TNS3: variants seen among roughly 807,000 people sequenced by gnomAD.
TNS3 encodes tensin 3.
In TNS3, 45 loss-of-function variants were observed where a neutral mutation model predicts 140.9. The observed-to-expected ratio is 0.32, with a 90% CI of 0.25 to 0.41. The LOEUF (loss-of-function observed/expected upper bound fraction) is 0.41, where lower values mean the gene tolerates loss of function less well. Ranked by LOEUF, TNS3 falls within the 10% of genes least tolerant of loss-of-function variation. The probability of loss-of-function intolerance (pLI) is 1.00; values close to 1 mark genes in which losing one functional copy is unlikely to be tolerated. For synonymous variants in TNS3, 815 were observed against 788.4 expected (o/e 1.03, Z -0.56); for missense variants, 1,716 against 1,906.7 (o/e 0.90, Z 1.86).
Position 47,297,411 on chromosome 7 carries a change from G to A in TNS3, c.3545-198C>T, listed in dbSNP as rs530877586. 3.3e-5 allele frequency among the ~76,000 whole-genome samples: 5 copies of A among 152,232 alleles called. No individual in the cohort carries two copies. The South Asian group carries it at 1.0e-3, about 32-fold the overall frequency. Reference sequence around the variant, plus strand: ...GGACCTTCAGGGAGGTCTCTGTGGTGTCGTGTATGTTTCATGGGTGGGCCT... The same window carrying A: ...GGACCTTCAGGGAGGTCTCTGTGGTATCGTGTATGTTTCATGGGTGGGCCT... On this transcript the variant is annotated intron_variant, in intron 23 of 30. Coordinates refer to ENST00000311160, the MANE Select transcript of TNS3 (RefSeq NM_022748.12).
chr7:47,422,009 G>A (rs1204555933), intron 10 of TNS3, among the ~76,000 whole-genome samples: 2 of 152,210 alleles, frequency 1.3e-5, no homozygotes, highest in Admixed American at 6.5e-5. Flanking sequence ...CAACAGAGAA[G>A]CCTCCCATCA....
At position 47,524,662 on chromosome 7, in the gene TNS3, C is replaced by T. The variant is rs377581591; in HGVS notation, c.-153+4374G>A. On this transcript the variant is annotated intron_variant, in intron 2 of 30. Coordinates refer to ENST00000311160, the MANE Select transcript of TNS3 (RefSeq NM_022748.12). ...CTAAAAATACAAAAAATTAGCCGGG[C>T]GCGGTGGCGGGCGCCTGTAGTCCCA... Among the ~76,000 whole-genome samples, 307 of 149,290 alleles carry T rather than the reference C, an allele frequency of 2.1e-3. 2 individuals are homozygous for T. The highest frequency in any genetic ancestry group is 4.5e-3 in the African/African-American group (182 of 40,132).
At chr7:47,374,200 G>GC (rs1195467577) in intron 16 of TNS3, among the ~76,000 whole-genome samples, 3 of 152,218 alleles carry the variant, frequency 2.0e-5, no homozygotes, top group African/African-American at 7.2e-5. Context: ...ATGGGCCAGA[G>GC]ATCCAGGGAA....
intron 1 of TNS3, among the ~76,000 whole-genome samples, chr7:47,562,526 A>C (rs150740874): frequency 0.032 from 4,933 of 152,068 alleles, 252 homozygotes; most frequent in African/African-American, 0.11. Context: ...AGCTGGGATT[A>C]CAGGTGCCCA....
chr7:47,356,576 A>G (rs1199879706), intron 17 of TNS3, among the ~76,000 whole-genome samples: 1 of 152,216 alleles, frequency 6.6e-6, no homozygotes, highest in African/African-American at 2.4e-5. Flanking sequence ...AAGAGACGGA[A>G]TCCGCTCCCT....
intron 4 of TNS3, among the ~76,000 whole-genome samples, chr7:47,443,750 C>T (rs1402629267): frequency 6.6e-6 from 1 of 152,050 alleles, no homozygotes; most frequent in East Asian, 1.9e-4. Context: ...GGTGAAACCA[C>T]GTCTCTACTA....
chr7:47,408,898 C>T (rs571693130), intron 13 of TNS3, among the ~76,000 whole-genome samples: 2 of 152,176 alleles, frequency 1.3e-5, no homozygotes, highest in South Asian at 2.1e-4. Flanking sequence ...TCTCCCACCC[C>T]GTCTCATCAA....
intron 3 of TNS3, among the ~76,000 whole-genome samples, chr7:47,487,791 T>C (rs1408699633): frequency 6.6e-6 from 1 of 152,248 alleles, no homozygotes; most frequent in Non-Finnish European, 1.5e-5. Context: ...CTAAGATAAG[T>C]TGCAAAGACT....
intron 1 of TNS3, among the ~76,000 whole-genome samples, chr7:47,550,372 C>T (rs926836375): frequency 6.6e-6 from 1 of 152,158 alleles, no homozygotes; most frequent in East Asian, 1.9e-4. Context: ...AAAAGATAAA[C>T]GCGTAGAACA....
intron 8 of TNS3, among the ~76,000 whole-genome samples, chr7:47,432,800 G>C (rs1194262298): frequency 6.6e-6 from 1 of 152,214 alleles, no homozygotes; most frequent in Non-Finnish European, 1.5e-5. Context: ...TAATGTTCAT[G>C]TAAATACAGC....
intron 16 of TNS3, among the ~76,000 whole-genome samples, chr7:47,389,154 AAGCAGAAGAAGCAGCAGAAGC>A (rs1792352597): frequency 1.1e-4 from 9 of 82,206 alleles, no homozygotes; most frequent in African/African-American, 3.8e-4. Context: ...GAAGAAGAAG[AAGCAGAAGAAGCAGCAGAAGC>A]AGAAGAAGCA....
At chr7:47,322,081 C>T (rs1263621083) in intron 20 of TNS3, among the ~76,000 whole-genome samples, 1 of 152,036 alleles carries the variant, frequency 6.6e-6, no homozygotes, top group East Asian at 1.9e-4. Context: ...ATCAAGCATC[C>T]CTCAGAACTG....
In TNS3 at chr7:47,415,114, G is replaced by A; in HGVS notation, c.566C>T (p.Pro189Leu). The A allele has an allele frequency of 1.2e-6, 2 of 1,612,196 alleles. No homozygotes were observed. Among genetic ancestry groups the A allele is most frequent in the Non-Finnish European group, 8.5e-7 (1 of 1,179,266 alleles). The change falls in exon 11 of 31, where the codon CCC becomes CTC. Residue 189 changes from proline (P) to leucine (L), a missense_variant. This residue lies in a region of TNS3 where 337 missense variants were observed against 428.9 expected (regional missense o/e 0.79). Transcript: ENST00000311160. The part of the protein sequence containing the change: ...FLHFVILHGT[P>L]NFDTGGVCRP... Reference sequence around the variant, plus strand: ...CTCACCTCCACCTGTGTCGAAGTTGGGGGTGCCGTGGAGGATGACAAAATG... The same window carrying A: ...CTCACCTCCACCTGTGTCGAAGTTGAGGGTGCCGTGGAGGATGACAAAATG...
intron 16 of TNS3, among the ~76,000 whole-genome samples, chr7:47,384,251 G>T (rs994368875): frequency 3.9e-5 from 6 of 152,252 alleles, no homozygotes; most frequent in African/African-American, 1.2e-4. Context: ...CCGTCCCAGG[G>T]GGTCTCTGGA....
At chr7:47,387,934 A>C (rs1240507183) in intron 16 of TNS3, among the ~76,000 whole-genome samples, 1 of 152,230 alleles carries the variant, frequency 6.6e-6, no homozygotes, top group Non-Finnish European at 1.5e-5. Context: ...ACTTAAAGTC[A>C]GCAGGTGCTC....
intron 10 of TNS3, among the ~76,000 whole-genome samples, chr7:47,423,704 T>G (rs1794498960): frequency 6.6e-6 from 1 of 152,244 alleles, no homozygotes; most frequent in Non-Finnish European, 1.5e-5. Flanking sequence ...AAAGATCCTG[T>G]AGCCTGCAAA....
At chr7:47,451,960 G>A (rs1360602414) in intron 4 of TNS3, among the ~76,000 whole-genome samples, 5 of 152,140 alleles carry the variant, frequency 3.3e-5, no homozygotes, top group Non-Finnish European at 7.3e-5. Flanking sequence ...CGAGTAAGCC[G>A]TCTGATCTTG....
intron 4 of TNS3, among the ~76,000 whole-genome samples, chr7:47,473,792 C>A (rs1334819991): frequency 6.6e-6 from 1 of 152,236 alleles, no homozygotes; most frequent in South Asian, 2.1e-4. Flanking sequence ...AAGCCCCACA[C>A]CCAGTAATTT....
intron 7 of TNS3, among the ~76,000 whole-genome samples, chr7:47,436,886 T>C (rs1236431012): frequency 6.6e-6 from 1 of 152,144 alleles, no homozygotes; most frequent in Non-Finnish European, 1.5e-5. Context: ...TATACATATA[T>C]ATTAGTATTT....
Sources: allele counts gnomAD v4.1 joint callset (sites outside exome capture counted in the v4.1 genomes callset), GRCh38; gene constraint gnomAD v4.1.1; regional missense constraint gnomAD v4.1.1; transcripts MANE v1.5; gene names NCBI Gene and HGNC (gene_info 2026-07-23, HGNC 2026-07-21).